Variants in BSND observed in about 807,000 individuals in gnomAD.
BSND encodes the protein barttin CLCNK type accessory subunit beta, also known as barttin.
In BSND, 13 loss-of-function variants were observed where a neutral mutation model predicts 18.8. That is an observed-to-expected ratio of 0.69 (90% CI 0.45 to 1.10). BSND has a LOEUF of 1.10. Ranked by LOEUF, BSND falls within the 50% of genes least tolerant of loss-of-function variation. BSND has a pLI of 0.00. For synonymous variants in BSND, 170 were observed against 161.8 expected (o/e 1.05, Z -0.39); for missense variants, 379 against 416.7 (o/e 0.91, Z 0.79).
rs774934740 is a variant in BSND at position 55,005,003 on chromosome 1, GTC to G, written c.178-14_178-13del. ...TACCCTGGTCAACTGCACAGAGGCT[GTC>G]TCTCCTTTGCTTGCAGATCACCTTC... On this transcript the variant is annotated splice_polypyrimidine_tract_variant and intron_variant, in intron 1 of 3. Coordinates refer to ENST00000651561, the MANE Select transcript of BSND (RefSeq NM_057176.3). 1.2e-5 allele frequency: 20 copies of G among 1,613,032 alleles called. No homozygotes were observed. The highest frequency in any genetic ancestry group is 4.0e-5 in the African/African-American group (3 of 75,044).
chr1:55,013,598 C>T lies in BSND; in HGVS notation c.*4970C>T, dbSNP rs1345793648. 6.6e-6 allele frequency among the ~76,000 whole-genome samples: 1 copy of T among 152,124 alleles called. No homozygotes were observed. The highest frequency in any genetic ancestry group is 1.5e-5 in the Non-Finnish European group (1 of 68,018). On this transcript the variant is annotated 3_prime_UTR_variant, in exon 4 of 4. Transcript: ENST00000651561. ...TTCCTGCCAGGAATCATCCAGTAGC[C>T]CCAGGCCATTCTGACCCTAGTGGGA... is the stretch of plus-strand genomic sequence containing the variant.
Position 55,009,337 on chromosome 1 carries a change from A to G in BSND, c.*709A>G, listed in dbSNP as rs527488076. 6.5e-6 allele frequency: 1 copy of G among 153,442 alleles called. No individual in the cohort carries two copies. The highest frequency in any genetic ancestry group is 2.1e-4 in the South Asian group (1 of 4,858). 9.5% of individuals were successfully genotyped at this position (153,442 alleles called of 1,614,324 possible). A position where few individuals can be genotyped will look rare whatever the true frequency, so the allele number is the denominator to read the frequency against. On this transcript the variant is annotated 3_prime_UTR_variant, in exon 4 of 4. Coordinates refer to ENST00000651561, the MANE Select transcript of BSND (RefSeq NM_057176.3). ...TTTCCTGATGTCGCTGCCTCCTGGA[A>G]CCAGGTGGTCTTGCCTCTCTGCGCT...
At chr1:55,004,975 C>T (rs1463541617) in intron 1 of BSND, 47 bp from the exon 2 acceptor site, 3 of 1,571,888 alleles carry the variant, frequency 1.9e-6, no homozygotes, top group Non-Finnish European at 2.6e-6. Flanking sequence ...ACAGTAGCCC[C>T]CCTACCCTGG....
rs77339832 is a variant in BSND, at chr1:55,007,574, G to C, written c.548+302G>C. ...ACTACCCAGGAATGTTGAGGGTTGGGACAGTGCATTTAAGTACCTGGCATA... is the reference window on the plus strand; with the variant it reads ...ACTACCCAGGAATGTTGAGGGTTGGCACAGTGCATTTAAGTACCTGGCATA... On this transcript the variant is annotated intron_variant, in intron 3 of 3. Transcript: ENST00000651561. Among the ~76,000 whole-genome samples the C allele has an allele frequency of 9.6e-4, 146 of 152,278 alleles. 2 individuals are homozygous for C. Among genetic ancestry groups the C allele is most frequent in the South Asian group, 2.1e-3 (10 of 4,822 alleles).
chr1:55,009,057 TCTC>T lies in BSND; in HGVS notation c.*435_*437del. The T allele has an allele frequency of 4.0e-6, 1 of 249,136 alleles. No individual in the cohort carries two copies. The highest frequency in any genetic ancestry group is 7.9e-6 in the Non-Finnish European group (1 of 127,320). 15.4% of individuals were successfully genotyped at this position (249,136 alleles called of 1,614,324 possible). ...CCGTCTTTACACAGAGGGAGCCTCA[TCTC>T]CTCCTGGGCCACATTCCTCCTGCAG... is the stretch of plus-strand genomic sequence containing the variant. On this transcript the variant is annotated 3_prime_UTR_variant, in exon 4 of 4. Coordinates refer to ENST00000651561, the MANE Select transcript of BSND (RefSeq NM_057176.3).
At position 55,012,565 on chromosome 1, in the gene BSND, C is replaced by G. The variant is rs1408500296; in HGVS notation, c.*3937C>G. Among the ~76,000 whole-genome samples, 1 of 152,198 alleles carries G rather than the reference C, an allele frequency of 6.6e-6. No homozygotes were observed. Among genetic ancestry groups the G allele is most frequent in the Non-Finnish European group, 1.5e-5 (1 of 68,034 alleles). ...AGAACTGGGTATAATGCCTCAGGCA[C>G]ATTTAGGTGCTTAGACAGTGGTGGT... On this transcript the variant is annotated 3_prime_UTR_variant, in exon 4 of 4. Coordinates refer to ENST00000651561, the MANE Select transcript of BSND (RefSeq NM_057176.3).
intron 1 of BSND, among the ~76,000 whole-genome samples, chr1:55,001,516 G>A (rs1057297347): frequency 2.0e-4 from 30 of 152,088 alleles, no homozygotes; most frequent in Non-Finnish European, 4.1e-4. Context: ...AACGCTGCCT[G>A]CAGTGCTCCT....
At position 54,999,203 on chromosome 1, in the gene BSND, C is replaced by T; in HGVS notation, c.17C>T (p.Thr6Ile). The T allele has an allele frequency of 6.2e-7, 1 of 1,614,146 alleles. No homozygotes were observed. The highest frequency in any genetic ancestry group is 8.5e-7 in the Non-Finnish European group (1 of 1,180,028). The change falls in exon 1 of 4, where the codon ACC becomes ATC. Residue 6 changes from threonine to isoleucine, a missense_variant. By Grantham distance (89) the Thr-to-Ile change is moderately conservative (BLOSUM62 -1). Transcript: ENST00000651561. ...CAGGCAGCCATGGCTGACGAGAAGA[C>T]CTTCCGGATCGGCTTCATTGTGCTG... MADEK[T>I]FRIGFIVLGL... is the part of the protein sequence containing the mutation.
At chr1:55,001,021 C>T (rs1257531898) in intron 1 of BSND, among the ~76,000 whole-genome samples, 2 of 152,100 alleles carry the variant, frequency 1.3e-5, no homozygotes, top group African/African-American at 4.8e-5. Context: ...TTGATAGATT[C>T]ATGGGTTCAC....
At chr1:55,006,537 C>T (rs1264496860) in intron 2 of BSND, among the ~76,000 whole-genome samples, 1 of 152,158 alleles carries the variant, frequency 6.6e-6, no homozygotes, top group Admixed American at 6.5e-5. Flanking sequence ...CAGAGCCTGG[C>T]AGGAAGGAGT....
intron 2 of BSND, 138 bp from the exon 3 acceptor site, chr1:55,006,859 A>G: frequency 7.8e-7 from 1 of 1,274,022 alleles, no homozygotes; most frequent in Non-Finnish European, 1.1e-6. Context: ...TCATCCCTGA[A>G]ACGGGCGCAG....
chr1:55,008,899 C>T lies in BSND; in HGVS notation c.*271C>T. 1.9e-6 allele frequency: 1 copy of T among 525,232 alleles called. No homozygotes were observed. Among genetic ancestry groups the T allele is most frequent in the Non-Finnish European group, 3.4e-6 (1 of 293,042 alleles). The allele number at this position is 525,232 out of a possible 1,614,324, so 32.5% of individuals were successfully genotyped here. A position where few individuals can be genotyped will look rare whatever the true frequency, so the allele number is the denominator to read the frequency against. ...CAGCTGAAGCCCTCAAAAGCATTTT[C>T]CACCTTCCCCCAAAGCTGACCTCTG... On this transcript the variant is annotated 3_prime_UTR_variant, in exon 4 of 4. Coordinates refer to ENST00000651561, the MANE Select transcript of BSND (RefSeq NM_057176.3).
chr1:55,000,538 C>T (rs189991047), intron 1 of BSND, among the ~76,000 whole-genome samples: 186 of 152,338 alleles, frequency 1.2e-3, no homozygotes, highest in African/African-American at 4.3e-3. Context: ...TCCTCAGCAA[C>T]CCCCACACCT....
intron 1 of BSND, among the ~76,000 whole-genome samples, chr1:55,002,624 C>T (rs1007326531): frequency 1.3e-5 from 2 of 152,220 alleles, no homozygotes; most frequent in Non-Finnish European, 2.9e-5. Context: ...TCTCCATGGT[C>T]TGATATCCTC....
In BSND at chr1:55,014,067, T is replaced by G. The variant is rs765695019; in HGVS notation, c.*5439T>G. On this transcript the variant is annotated 3_prime_UTR_variant, in exon 4 of 4. Transcript: ENST00000651561. ...CCGCTCTGTCCCCAGCACTTCTGAA[T>G]GACTAGCTGTGTGAGTACCAGTCTC... Among the ~76,000 whole-genome samples, 1 of 152,246 alleles carries G rather than the reference T, an allele frequency of 6.6e-6. No homozygotes were observed. Among genetic ancestry groups the G allele is most frequent in the Non-Finnish European group, 1.5e-5 (1 of 68,040 alleles).
rs1429113578 is a variant in BSND at position 55,015,689 on chromosome 1, C to A, written c.*7061C>A. Among the ~76,000 whole-genome samples the A allele has an allele frequency of 6.6e-6, 1 of 152,110 alleles. No homozygotes were observed. The highest frequency in any genetic ancestry group is 1.5e-5 in the Non-Finnish European group (1 of 67,960). ...AACACTATGCACCTGCTTTGTGCCACCCCCTGTGCTAGGTACTGGGGGAAG... is the reference window on the plus strand; with the variant it reads ...AACACTATGCACCTGCTTTGTGCCAACCCCTGTGCTAGGTACTGGGGGAAG... On this transcript the variant is annotated 3_prime_UTR_variant, in exon 4 of 4. Coordinates refer to ENST00000651561, the MANE Select transcript of BSND (RefSeq NM_057176.3).
chr1:55,002,086 TTGG>T (rs1456969912), intron 1 of BSND, among the ~76,000 whole-genome samples: 6 of 152,192 alleles, frequency 3.9e-5, no homozygotes, highest in Non-Finnish European at 8.8e-5. Flanking sequence ...TTCTCTGGTC[TTGG>T]TGAGAGCTGA....
At chr1:55,003,952 T>C (rs190188376) in intron 1 of BSND, among the ~76,000 whole-genome samples, 73 of 152,376 alleles carry the variant, frequency 4.8e-4, no homozygotes, top group African/African-American at 1.6e-3. Flanking sequence ...ATTTCCAGAA[T>C]GCTTTTTGTC....
In BSND at chr1:55,012,141, A is replaced by G. The variant is rs1644425241; in HGVS notation, c.*3513A>G. Among the ~76,000 whole-genome samples the G allele has an allele frequency of 6.6e-6, 1 of 152,162 alleles. No homozygotes were observed. Among genetic ancestry groups the G allele is most frequent in the Non-Finnish European group, 1.5e-5 (1 of 68,002 alleles). On this transcript the variant is annotated 3_prime_UTR_variant, in exon 4 of 4. Transcript: ENST00000651561. The stretch of plus-strand genomic sequence containing the variant: ...AAGGGAAGGCAGGGGGCCCAGGGGC[A>G]GGGAACCTGGGCTCTGCCGACCGCT...
Sources: allele counts gnomAD v4.1 joint callset (sites outside exome capture counted in the v4.1 genomes callset), GRCh38; gene constraint gnomAD v4.1.1; transcripts MANE v1.5; gene names NCBI Gene and HGNC (gene_info 2026-07-23, HGNC 2026-07-21).